Variants in CCDC171 observed in about 807,000 individuals in gnomAD.
CCDC171 encodes coiled-coil domain-containing protein 171.
Under a neutral mutation model 168.2 loss-of-function variants are expected in CCDC171, and 177 were observed. The ratio of observed to expected loss-of-function variants is 1.05; its 90% CI spans 0.93 to 1.19. The LOEUF (loss-of-function observed/expected upper bound fraction) is 1.19, where lower values mean the gene tolerates loss of function less well. Ranked by LOEUF, CCDC171 falls within the 50% of genes most tolerant of loss-of-function variation. The pLI is 0.00. For missense variants in CCDC171, 1,991 were observed against 1,539.0 expected (o/e 1.29, Z -4.91); for synonymous variants, 687 against 540.8 (o/e 1.27, Z -3.75).
intron 8 of CCDC171, among the ~76,000 whole-genome samples, chr9:15,662,600 CTG>C (rs1554743065): frequency 6.6e-6 from 1 of 152,088 alleles, no homozygotes; most frequent in Non-Finnish European, 1.5e-5. Flanking sequence ...AGATCTAAGA[CTG>C]TGTAGTTTCA....
intron 3 of CCDC171, among the ~76,000 whole-genome samples, chr9:15,572,443 C>G (rs1170607295): frequency 6.6e-6 from 1 of 152,172 alleles, no homozygotes; most frequent in Non-Finnish European, 1.5e-5. Flanking sequence ...CAAGATGCGT[C>G]ATCTTGGGCT....
chr9:15,903,193 C>T (rs565276476), intron 24 of CCDC171, among the ~76,000 whole-genome samples: 1 of 152,302 alleles, frequency 6.6e-6, no homozygotes, highest in Non-Finnish European at 1.5e-5. Flanking sequence ...GTGCTTCTCC[C>T]AGCACGGAGT....
intron 9 of CCDC171, among the ~76,000 whole-genome samples, chr9:15,669,489 T>C (rs2048958473): frequency 6.6e-6 from 1 of 152,154 alleles, no homozygotes; most frequent in African/African-American, 2.4e-5. Flanking sequence ...CCAATTCCAC[T>C]TTTTTAGTTA....
Position 15,939,664 on chromosome 9 carries a change from AC to A in CCDC171, c.3753+19243del, listed in dbSNP as rs1057471970. 1.7e-4 allele frequency among the ~76,000 whole-genome samples: 26 copies of A among 151,866 alleles called. 1 individual carries two copies. The highest frequency in any genetic ancestry group is 6.6e-4 in the Admixed American group (10 of 15,202). On this transcript the variant is annotated intron_variant, in intron 25 of 25. Transcript: ENST00000380701. ...GAGAAGCCTAGAGAACAGAATTTTTACTTCCACCACTTCCCCGAGCAGAATA... is the reference window on the plus strand; with the variant it reads ...GAGAAGCCTAGAGAACAGAATTTTTATTCCACCACTTCCCCGAGCAGAATA...
intron 21 of CCDC171, among the ~76,000 whole-genome samples, chr9:15,822,406 A>G (rs928420433): frequency 2.0e-5 from 3 of 151,818 alleles, no homozygotes; most frequent in Non-Finnish European, 4.4e-5. Context: ...AACCTACAGA[A>G]TGGGAGAAAA....
chr9:15,846,053 A>C (rs1199560347), intron 21 of CCDC171, among the ~76,000 whole-genome samples: 4 of 152,128 alleles, frequency 2.6e-5, no homozygotes, highest in Non-Finnish European at 5.9e-5. Flanking sequence ...TCTGAATGCA[A>C]GTATTATTTA....
chr9:15,748,725 G>C (rs1347962019), intron 18 of CCDC171, among the ~76,000 whole-genome samples: 1 of 152,132 alleles, frequency 6.6e-6, no homozygotes, highest in African/African-American at 2.4e-5. Flanking sequence ...GCCAAACTAT[G>C]CTTCTTAAGT....
chr9:15,588,768 C>T (rs2041773137), intron 4 of CCDC171, among the ~76,000 whole-genome samples: 1 of 146,990 alleles, frequency 6.8e-6, no homozygotes, highest in Non-Finnish European at 1.5e-5. Flanking sequence ...AGTGCAGTGG[C>T]ACGACCTCGG....
At chr9:15,955,132 A>T (rs558853312) in intron 25 of CCDC171, among the ~76,000 whole-genome samples, 2 of 152,264 alleles carry the variant, frequency 1.3e-5, no homozygotes, top group South Asian at 4.1e-4. Flanking sequence ...CTGTGTGTCA[A>T]GGATCAGCCT....
intron 23 of CCDC171, among the ~76,000 whole-genome samples, chr9:15,864,339 T>C (rs1490242094): frequency 1.3e-5 from 2 of 152,148 alleles, no homozygotes; most frequent in African/African-American, 4.8e-5. Context: ...CTTTAAGTTC[T>C]AGGGTACATG....
intron 1 of CCDC171, among the ~76,000 whole-genome samples, chr9:16,044,532 A>T (rs1478146052): frequency 1.4e-5 from 2 of 145,542 alleles, no homozygotes; most frequent in African/African-American, 2.5e-5. Flanking sequence ...CTATTTAATA[A>T]TTTTTTTTTT....
chr9:16,048,861 T>G (rs1435050123), intron 1 of CCDC171, among the ~76,000 whole-genome samples: 1 of 150,108 alleles, frequency 6.7e-6, no homozygotes, highest in Non-Finnish European at 1.5e-5. Context: ...CAGGCAGTAT[T>G]AACAAGGGTT....
chr9:15,687,895 C>T (rs903990421), intron 10 of CCDC171, among the ~76,000 whole-genome samples: 1 of 151,934 alleles, frequency 6.6e-6, no homozygotes, highest in Admixed American at 6.6e-5. Flanking sequence ...CCAAGGTGGG[C>T]AGATCATGAG....
intron 21 of CCDC171, among the ~76,000 whole-genome samples, chr9:15,791,278 A>T (rs2058246551): frequency 6.6e-6 from 1 of 152,034 alleles, no homozygotes; most frequent in Non-Finnish European, 1.5e-5. Flanking sequence ...TTCCTTGAGC[A>T]GTGGTTTGTA....
At chr9:16,022,513 G>C (rs1424435850) in exon 5 of CCDC171, 2 of 152,436 alleles carry the variant, frequency 1.3e-5, no homozygotes, top group East Asian at 1.9e-4. Flanking sequence ...CTGTTCTTCA[G>C]CTTCAGCTCT....
chr9:15,746,797 G>T (rs1198092030), intron 18 of CCDC171, among the ~76,000 whole-genome samples: 1 of 152,168 alleles, frequency 6.6e-6, no homozygotes, highest in Non-Finnish European at 1.5e-5. Flanking sequence ...AGGGCGGGGT[G>T]TCACCTCACC....
intron 25 of CCDC171, among the ~76,000 whole-genome samples, chr9:15,961,585 T>C (rs890002787): frequency 3.9e-5 from 6 of 152,158 alleles, no homozygotes; most frequent in African/African-American, 1.4e-4. Flanking sequence ...AATGAGAGTG[T>C]TCTTTGCTTG....
At chr9:15,856,591 G>A (rs2061357112) in intron 23 of CCDC171, among the ~76,000 whole-genome samples, 2 of 151,788 alleles carry the variant, frequency 1.3e-5, no homozygotes, top group South Asian at 2.1e-4. Context: ...CATATTTTAT[G>A]TATCCATTTA....
chr9:15,700,581 A>T (rs1213261347), intron 11 of CCDC171, among the ~76,000 whole-genome samples: 2 of 152,222 alleles, frequency 1.3e-5, no homozygotes, highest in East Asian at 3.9e-4. Flanking sequence ...GGCTGTGAGG[A>T]CTGCCAGCAC....
Sources: gnomAD v4.1 joint callset for allele counts (sites outside exome capture counted in the v4.1 genomes callset) on GRCh38, gnomAD v4.1.1 for gene constraint, MANE v1.5 for transcripts, NCBI Gene and HGNC (gene_info 2026-07-23, HGNC 2026-07-21) for gene names.